Variants in LPL observed in about 807,000 individuals in gnomAD.
The protein encoded by LPL is lipoprotein lipase, also known as phospholipase A1.
LPL carries 43 observed loss-of-function variants against 52.2 expected under a neutral mutation model. That is an observed-to-expected ratio of 0.82 (90% CI 0.64 to 1.06). The LOEUF is 1.06. Among genes scored for constraint, LPL ranks in the 50% least tolerant of loss-of-function variants. The probability of loss-of-function intolerance (pLI) is 0.00; values close to 1 mark genes in which losing one functional copy is unlikely to be tolerated. For missense variants in LPL, 639 were observed against 585.3 expected, an observed-to-expected ratio of 1.09 and a Z score of -0.95; for synonymous variants, 244 against 215.6, an observed-to-expected ratio of 1.13 and a Z score of -1.15.
chr8:19,955,951 G>C lies in LPL; in HGVS notation c.886G>C (p.Ala296Pro), dbSNP rs746740949. 1 of 1,614,146 alleles carries C rather than the reference G, an allele frequency of 6.2e-7. No homozygotes were observed. The highest frequency in any genetic ancestry group is 1.1e-5 in the South Asian group (1 of 91,078). ...SKAYRCSSKE[A>P]FEKGLCLSCR... Reference sequence around the variant, plus strand: ...GGCCTACAGGTGCAGTTCCAAGGAAGCCTTTGAGAAAGGGCTCTGCTTGAG... The same window carrying C: ...GGCCTACAGGTGCAGTTCCAAGGAACCCTTTGAGAAAGGGCTCTGCTTGAG... Residue 296 changes from alanine (A) to proline (P), a missense_variant, in exon 6 of 10, where the codon GCC becomes CCC. Coordinates refer to ENST00000650287, the MANE Select transcript of LPL (RefSeq NM_000237.3).
At chr8:19,942,150 T>C (rs1226710793) in intron 1 of LPL, among the ~76,000 whole-genome samples, 1 of 152,032 alleles carries the variant, frequency 6.6e-6, no homozygotes, top group Non-Finnish European at 1.5e-5. Context: ...AATTTTCGCT[T>C]TCTTTCAGCA....
At chr8:19,948,919 G>A (rs1431391525) in intron 2 of LPL, among the ~76,000 whole-genome samples, 5 of 151,176 alleles carry the variant, frequency 3.3e-5, no homozygotes, top group African/African-American at 7.4e-5. Flanking sequence ...AAACTTTAGG[G>A]AGCCTTTCTG....
At position 19,952,956 on chromosome 8, in the gene LPL, G is replaced by A. The variant is rs556642759; in HGVS notation, c.430-354G>A. 3.9e-3 allele frequency among the ~76,000 whole-genome samples: 601 copies of A among 152,180 alleles called. 6 individuals are homozygous for A. Among genetic ancestry groups the A allele is most frequent in the African/African-American group, 0.014 (573 of 41,512 alleles). On this transcript the variant is annotated intron_variant, in intron 3 of 9. Transcript: ENST00000650287. ...TATGTATATGTGTATATGTTTGTACGTATAGTATATGGTTATATATGCAAA... is the reference window on the plus strand; with the variant it reads ...TATGTATATGTGTATATGTTTGTACATATAGTATATGGTTATATATGCAAA...
In LPL at chr8:19,961,011, G is replaced by T; in HGVS notation, c.1250G>T (p.Trp417Leu). The T allele has an allele frequency of 6.2e-7, 1 of 1,614,114 alleles. No homozygotes were observed. Among genetic ancestry groups the T allele is most frequent in the Non-Finnish European group, 8.5e-7 (1 of 1,180,004 alleles). The change falls in exon 8 of 10, where the codon TGG becomes TTG. Residue 417 changes from tryptophan to leucine, a missense_variant. By Grantham distance (61) the Trp-to-Leu change is moderately conservative. Transcript: ENST00000650287. Reference sequence around the variant, plus strand: ...TGGAAGAGTGATTCATACTTTAGCTGGTCAGACTGGTGGAGCAGTCCCGGC... The same window carrying T: ...TGGAAGAGTGATTCATACTTTAGCTTGTCAGACTGGTGGAGCAGTCCCGGC... ...LKWKSDSYFS[W>L]SDWWSSPGFA...
chr8:19,944,121 G>A lies in LPL; in HGVS notation c.89-4059G>A, dbSNP rs186663324. ...GAATGGCTTGAACCCAGGAGGCATAGGTTGCAGTGAGTCACGATCGTGCCA... is the reference window on the plus strand; with the variant it reads ...GAATGGCTTGAACCCAGGAGGCATAAGTTGCAGTGAGTCACGATCGTGCCA... On this transcript the variant is annotated intron_variant, in intron 1 of 9. Transcript: ENST00000650287. The surrounding 1 kb of genome is among the most constrained non-coding windows in gnomAD (Gnocchi z 4.2). 4.9e-4 allele frequency among the ~76,000 whole-genome samples: 74 copies of A among 152,244 alleles called. 2 individuals are homozygous for A. In the East Asian group the frequency reaches 8.3e-3, roughly 17 times the overall value.
chr8:19,945,742 A>C (rs1004855986), intron 1 of LPL, among the ~76,000 whole-genome samples: 1 of 152,186 alleles, frequency 6.6e-6, no homozygotes, highest in Non-Finnish European at 1.5e-5. Flanking sequence ...TTCTAGGGGA[A>C]AGTGGACTAA....
In LPL at chr8:19,955,894, G is replaced by T; in HGVS notation, c.829G>T (p.Asp277Tyr). 2 of 1,614,084 alleles carry T rather than the reference G, an allele frequency of 1.2e-6. No homozygotes were observed. Among genetic ancestry groups the T allele is most frequent in the Non-Finnish European group, 1.7e-6 (2 of 1,180,024 alleles). The change falls in exon 6 of 10, where the codon GAC becomes TAC. Residue 277 changes from aspartate (D) to tyrosine (Y), a missense_variant. Physicochemically the swap from Asp to Tyr is radical, Grantham distance 160. Transcript: ENST00000650287. ...CGAGCGCTCCATTCATCTCTTCATCGACTCTCTGTTGAATGAAGAAAATCC... is the reference window on the plus strand; with the variant it reads ...CGAGCGCTCCATTCATCTCTTCATCTACTCTCTGTTGAATGAAGAAAATCC... ...SHERSIHLFI[D>Y]SLLNEENPSK...
At chr8:19,959,996 C>T (rs1273177179) in intron 7 of LPL, among the ~76,000 whole-genome samples, 1 of 151,584 alleles carries the variant, frequency 6.6e-6, no homozygotes, top group Non-Finnish European at 1.5e-5. Context: ...ACCATGTTGG[C>T]CAAGCTGGTC....
In LPL at chr8:19,948,486, G is replaced by A. The variant is rs2069903451; in HGVS notation, c.249+146G>A. 27 of 948,638 alleles carry A rather than the reference G, an allele frequency of 2.8e-5. 1 individual carries two copies. In the East Asian group the frequency reaches 7.1e-4, roughly 25 times the overall value. The allele number at this position is 948,638 out of a possible 1,614,324, so 58.8% of individuals were successfully genotyped here. On this transcript the variant is annotated intron_variant, in intron 2 of 9. Coordinates refer to ENST00000650287, the MANE Select transcript of LPL (RefSeq NM_000237.3). ...CTTGAATAAAGACAGTTCTGGCTCA[G>A]GTGGGATCTGAAGCCACAGGTTCAT...
chr8:19,964,042 T>C (rs2070064217), intron 9 of LPL, among the ~76,000 whole-genome samples: 1 of 151,940 alleles, frequency 6.6e-6, no homozygotes, highest in South Asian at 2.1e-4. Context: ...AACCTCCACC[T>C]CCTGGGTTCA....
rs1187956168 is a variant in LPL, at chr8:19,953,362, G to A, written c.482G>A (p.Gly161Glu). ...GTCCATCTCTTGGGATACAGCCTTG[G>A]AGCCCATGCTGCTGGCATTGCAGGA... ...DNVHLLGYSLGAHAAGIAGSL... is the reference protein window; with the variant it reads ...DNVHLLGYSLEAHAAGIAGSL... The change falls in exon 4 of 10, where the codon GGA becomes GAA. Residue 161 changes from glycine to glutamate, a missense_variant. Transcript: ENST00000650287. 3 of 1,613,874 alleles carry A rather than the reference G, an allele frequency of 1.9e-6. No homozygotes were observed. The highest frequency in any genetic ancestry group is 2.2e-5 in the South Asian group (2 of 91,078).
In LPL at chr8:19,951,649, C is replaced by G. The variant is rs529291402; in HGVS notation, c.250-120C>G. 89 of 1,056,360 alleles carry G rather than the reference C, an allele frequency of 8.4e-5. No individual in the cohort carries two copies. In the Admixed American group the frequency reaches 1.1e-3, roughly 13 times the overall value. 65.4% of individuals were successfully genotyped at this position (1,056,360 alleles called of 1,614,324 possible). Reference sequence around the variant, plus strand: ...CTGTTCTGTTATTTGATTTTTCTATCTGTGCCAATGGGTTTCCAATCAAGT... The same window carrying G: ...CTGTTCTGTTATTTGATTTTTCTATGTGTGCCAATGGGTTTCCAATCAAGT... On this transcript the variant is annotated intron_variant, in intron 2 of 9. Transcript: ENST00000650287.
At chr8:19,963,150 G>A (rs28681081) in intron 9 of LPL, among the ~76,000 whole-genome samples, 5,490 of 152,296 alleles carry the variant, frequency 0.036, 339 homozygotes, top group African/African-American at 0.12. Flanking sequence ...TGGGACAAAT[G>A]TATAGAATAA....
At position 19,953,290 on chromosome 8, in the gene LPL, A is replaced by C. The variant is rs955033912; in HGVS notation, c.430-20A>C. ...TTTTGGCAGAACTGTAAGCACCTTC[A>C]TTTTCTTTTTCTTCCAAAGGAGGAG... On this transcript the variant is annotated intron_variant, in intron 3 of 9. Coordinates refer to ENST00000650287, the MANE Select transcript of LPL (RefSeq NM_000237.3). 3 of 1,485,122 alleles carry C rather than the reference A, an allele frequency of 2.0e-6. No individual in the cohort carries two copies. In the African/African-American group the frequency reaches 4.1e-5, roughly 21 times the overall value. 92.0% of individuals were successfully genotyped at this position (1,485,122 alleles called of 1,614,324 possible).
chr8:19,951,607 A>G (rs1260233282), intron 2 of LPL, 162 bp from the exon 3 acceptor site: 2 of 824,534 alleles, frequency 2.4e-6, no homozygotes, highest in Non-Finnish European at 4.2e-6. Context: ...TGGAAGGGAC[A>G]GACCTGTCTC....
rs1192550003 is a variant in LPL, at chr8:19,950,879, G to GAGGAAGGAAGGAAGGA, written c.250-888_250-873dup. Among the ~76,000 whole-genome samples, 1 of 127,562 alleles carries GAGGAAGGAAGGAAGGA rather than the reference G, an allele frequency of 7.8e-6. No homozygotes were observed. The highest frequency in any genetic ancestry group is 1.7e-5 in the Non-Finnish European group (1 of 58,832). 83.7% of individuals were successfully genotyped at this position (127,562 alleles called of 152,430 possible). ...GGAAGGAGGAAGGGAAGGAGGGAGGGAGGAAGGAAGGAAGGAATGAAGGAA... is the reference window on the plus strand; with the variant it reads ...GGAAGGAGGAAGGGAAGGAGGGAGGGAGGAAGGAAGGAAGGAAGGAAGGAAGGAAGGAATGAAGGAA... On this transcript the variant is annotated intron_variant, in intron 2 of 9. Coordinates refer to ENST00000650287, the MANE Select transcript of LPL (RefSeq NM_000237.3). The surrounding 1 kb of genome is among the most constrained non-coding windows in gnomAD (Gnocchi z 4.2).
At position 19,960,947 on chromosome 8, in the gene LPL, G is replaced by A; in HGVS notation, c.1186G>A (p.Glu396Lys). The change falls in exon 8 of 10, where the codon GAG becomes AAG. Residue 396 changes from glutamate (E) to lysine (K), a missense_variant. Glu to Lys is a moderately conservative substitution (Grantham distance 56). Transcript: ENST00000650287. Reference protein sequence around the residue: ...NKTYSFLIYTEVDIGELLMLK... With the variant: ...NKTYSFLIYTKVDIGELLMLK... Reference sequence around the variant, plus strand: ...GACCTACTCCTTCCTAATTTACACAGAGGTAGATATTGGAGAACTACTCAT... The same window carrying A: ...GACCTACTCCTTCCTAATTTACACAAAGGTAGATATTGGAGAACTACTCAT... 6.2e-7 allele frequency: 1 copy of A among 1,614,086 alleles called. No homozygotes were observed. The highest frequency in any genetic ancestry group is 8.5e-7 in the Non-Finnish European group (1 of 1,179,944).
chr8:19,961,118 C>A, intron 8 of LPL, 35 bp downstream of exon 8: 3 of 1,594,962 alleles, frequency 1.9e-6, no homozygotes, highest in Non-Finnish European at 2.6e-6. Context: ...TCACTTTAGA[C>A]CCCCACCTGA....
chr8:19,948,386 T>G, intron 2 of LPL, 46 bp downstream of exon 2: 24 of 1,607,274 alleles, frequency 1.5e-5, no homozygotes, highest in Non-Finnish European at 2.0e-5. Context: ...TGGTGAGGTA[T>G]CCTGACTGGC....
Sources: allele counts gnomAD v4.1 joint callset (sites outside exome capture counted in the v4.1 genomes callset), GRCh38; gene constraint gnomAD v4.1.1; non-coding constraint Gnocchi (gnomAD v3.1); transcripts MANE v1.5; gene names NCBI Gene and HGNC (gene_info 2026-07-23, HGNC 2026-07-21).